JAZF1: variants seen among roughly 807,000 people sequenced by gnomAD.
JAZF1 encodes JAZF zinc finger 1.
JAZF1 carries 8 observed loss-of-function variants against 26.4 expected under a neutral mutation model. The observed-to-expected ratio is 0.30, with a 90% CI of 0.18 to 0.55. The LOEUF (loss-of-function observed/expected upper bound fraction) is 0.55. JAZF1 is among the 20% of genes least tolerant of loss of function. The pLI is 0.94. For synonymous variants in JAZF1, 126 were observed against 122.3 expected (o/e 1.03, Z -0.20); for missense variants, 199 against 322.0 (o/e 0.62, Z 2.92).
intron 1 of JAZF1, among the ~76,000 whole-genome samples, chr7:28,059,964 T>C (rs1783772427): frequency 6.6e-6 from 1 of 152,192 alleles, no homozygotes; most frequent in African/African-American, 2.4e-5. Flanking sequence ...TTTAATGTGT[T>C]GGTATCTTTA....
intron 2 of JAZF1, among the ~76,000 whole-genome samples, chr7:27,931,113 T>C (rs1235511598): frequency 6.6e-6 from 1 of 152,200 alleles, no homozygotes; most frequent in Non-Finnish European, 1.5e-5. Flanking sequence ...ACAATGAGAT[T>C]ACATGTAGAG....
rs185104866 is a variant in JAZF1, at chr7:27,831,226, G to C, written c.*1574C>G. 9.6e-4 allele frequency: 216 copies of C among 223,994 alleles called. 1 individual carries two copies. Among genetic ancestry groups the C allele is most frequent in the Non-Finnish European group, 1.6e-3 (182 of 112,074 alleles). 13.9% of individuals were successfully genotyped at this position (223,994 alleles called of 1,614,324 possible). ...GATTTTAGAACTTATGAATATAGAG[G>C]TTTACTCATCTAACAAACAGAACTG... On this transcript the variant is annotated 3_prime_UTR_variant, in exon 5 of 5. Coordinates refer to ENST00000283928, the MANE Select transcript of JAZF1 (RefSeq NM_175061.4).
At chr7:27,883,356 A>G (rs1209652671) in intron 3 of JAZF1, among the ~76,000 whole-genome samples, 1 of 152,248 alleles carries the variant, frequency 6.6e-6, no homozygotes, top group African/African-American at 2.4e-5. Flanking sequence ...TTCTTATGGG[A>G]ATTCTTAACA....
At chr7:28,036,672 G>T (rs1161990005) in intron 1 of JAZF1, among the ~76,000 whole-genome samples, 1 of 152,224 alleles carries the variant, frequency 6.6e-6, no homozygotes, top group African/African-American at 2.4e-5. Context: ...CCAAACAGAG[G>T]AAAGGAGGGA....
intron 1 of JAZF1, among the ~76,000 whole-genome samples, chr7:28,026,418 G>A (rs1292471878): frequency 6.6e-6 from 1 of 152,140 alleles, no homozygotes; most frequent in Non-Finnish European, 1.5e-5. Context: ...TGAGCCTTTT[G>A]TGCACCAAAC....
At chr7:27,975,556 G>T (rs556604426) in intron 2 of JAZF1, among the ~76,000 whole-genome samples, 1 of 152,148 alleles carries the variant, frequency 6.6e-6, no homozygotes. Flanking sequence ...TGGTCAATAG[G>T]TCAACTTCAC....
chr7:28,102,068 G>A (rs1583560891), intron 1 of JAZF1, among the ~76,000 whole-genome samples: 2 of 151,968 alleles, frequency 1.3e-5, no homozygotes, highest in South Asian at 4.1e-4. Context: ...TGGGAGGCAG[G>A]GCACCAACAA....
At chr7:28,156,701 G>T (rs1260971752) in intron 1 of JAZF1, among the ~76,000 whole-genome samples, 2 of 152,158 alleles carry the variant, frequency 1.3e-5, no homozygotes, top group Non-Finnish European at 2.9e-5. Flanking sequence ...ACAGTGTTGA[G>T]AATCTGCACA....
chr7:28,079,932 C>T (rs1024201714), intron 1 of JAZF1, among the ~76,000 whole-genome samples: 2 of 152,134 alleles, frequency 1.3e-5, no homozygotes, highest in Non-Finnish European at 1.5e-5. Context: ...CACAATAAAG[C>T]AAGTCACACT....
intron 3 of JAZF1, among the ~76,000 whole-genome samples, chr7:27,889,181 T>C (rs985694715): frequency 1.3e-5 from 2 of 152,150 alleles, no homozygotes; most frequent in Non-Finnish European, 2.9e-5. Context: ...ACCCACCAGC[T>C]GAATCAGAGT....
At chr7:28,145,898 T>C (rs1783020835) in intron 1 of JAZF1, among the ~76,000 whole-genome samples, 1 of 152,218 alleles carries the variant, frequency 6.6e-6, no homozygotes, top group Non-Finnish European at 1.5e-5. Context: ...TGTGTGTGAC[T>C]TCTTTCACTC....
intron 1 of JAZF1, among the ~76,000 whole-genome samples, chr7:28,081,439 G>A (rs1784135422): frequency 6.6e-6 from 1 of 152,168 alleles, no homozygotes; most frequent in Non-Finnish European, 1.5e-5. Flanking sequence ...CTTTTTCTAA[G>A]GTTTGGTCAT....
intron 2 of JAZF1, among the ~76,000 whole-genome samples, chr7:27,935,024 A>G (rs901267818): frequency 6.6e-6 from 1 of 152,226 alleles, no homozygotes; most frequent in Admixed American, 6.5e-5. Context: ...AAATAATCCA[A>G]TTAAATAATG....
rs115307241 is a variant in JAZF1 at position 28,111,587 on chromosome 7, G to A, written c.115+68876C>T. Among the ~76,000 whole-genome samples the A allele has an allele frequency of 1.9e-3, 295 of 152,214 alleles. 1 individual carries two copies. Among genetic ancestry groups the A allele is most frequent in the African/African-American group, 6.9e-3 (287 of 41,526 alleles). Reference sequence around the variant, plus strand: ...TTGAGGAGGTTCCTCAGTAAAAGGCGGATAATAAAATCTATGCTATTCATC... The same window carrying A: ...TTGAGGAGGTTCCTCAGTAAAAGGCAGATAATAAAATCTATGCTATTCATC... On this transcript the variant is annotated intron_variant, in intron 1 of 4. Transcript: ENST00000283928.
intron 1 of JAZF1, among the ~76,000 whole-genome samples, chr7:28,176,213 G>T (rs1783549424): frequency 1.3e-5 from 2 of 152,222 alleles, no homozygotes; most frequent in Admixed American, 1.3e-4. Context: ...CCTTAACTGG[G>T]CCCTTGCAGG....
intron 1 of JAZF1, among the ~76,000 whole-genome samples, chr7:28,095,658 C>T (rs893197169): frequency 3.3e-5 from 5 of 152,208 alleles, no homozygotes; most frequent in African/African-American, 7.2e-5. Flanking sequence ...CTTCAGTCCA[C>T]CTGTCCTTCT....
intron 2 of JAZF1, among the ~76,000 whole-genome samples, chr7:27,937,103 G>A (rs1440949767): frequency 6.6e-6 from 1 of 152,110 alleles, no homozygotes; most frequent in African/African-American, 2.4e-5. Flanking sequence ...CACTTCTATT[G>A]CTTGGTGTCA....
chr7:28,082,597 G>A (rs1035961495), intron 1 of JAZF1, among the ~76,000 whole-genome samples: 1 of 152,112 alleles, frequency 6.6e-6, no homozygotes, highest in East Asian at 1.9e-4. Flanking sequence ...CCACGCTGCA[G>A]TATGTTTGAA....
chr7:28,131,631 C>T (rs1174200391), intron 1 of JAZF1, among the ~76,000 whole-genome samples: 4 of 152,192 alleles, frequency 2.6e-5, no homozygotes, highest in Non-Finnish European at 5.9e-5. Flanking sequence ...TTCTTTTATT[C>T]ATCCAACAAA....
Sources: gnomAD v4.1 joint callset for allele counts (sites outside exome capture counted in the v4.1 genomes callset) on GRCh38, gnomAD v4.1.1 for gene constraint, MANE v1.5 for transcripts, NCBI Gene and HGNC (gene_info 2026-07-23, HGNC 2026-07-21) for gene names.